Variants in GRIA1 observed in about 807,000 individuals in gnomAD.
GRIA1 encodes the protein glutamate ionotropic receptor AMPA type subunit 1, also known as glutamate receptor 1.
GRIA1 carries 31 observed loss-of-function variants against 99.2 expected under a neutral mutation model. The ratio of observed to expected loss-of-function variants is 0.31; its 90% CI spans 0.23 to 0.42. The LOEUF (loss-of-function observed/expected upper bound fraction) is 0.42, where lower values mean the gene tolerates loss of function less well. Among genes scored for constraint, GRIA1 ranks in the 10% least tolerant of loss-of-function variants. GRIA1 has a pLI of 1.00. For missense variants in GRIA1, 782 were observed against 1,157.5 expected (o/e 0.68, Z 4.71); for synonymous variants, 438 against 432.4 (o/e 1.01, Z -0.16).
intron 2 of GRIA1, among the ~76,000 whole-genome samples, chr5:153,598,463 AAAAAGT>A (rs1764610679): frequency 6.6e-6 from 1 of 152,182 alleles, no homozygotes; most frequent in Admixed American, 6.6e-5. Flanking sequence ...TACACAGGGG[AAAAAGT>A]AAGAAAAATA....
At chr5:153,713,017 A>T (rs1403210747) in intron 11 of GRIA1, among the ~76,000 whole-genome samples, 4 of 152,240 alleles carry the variant, frequency 2.6e-5, no homozygotes, top group African/African-American at 7.2e-5. Context: ...TGCCCAGAGA[A>T]GTCAGCTTAA....
intron 11 of GRIA1, among the ~76,000 whole-genome samples, chr5:153,726,453 C>G (rs12658841): frequency 0.51 from 73,733 of 144,684 alleles, 19,646 homozygotes; most frequent in East Asian, 0.94. Context: ...AATCCAGGAG[C>G]TGGTTTTTTG....
intron 10 of GRIA1, among the ~76,000 whole-genome samples, chr5:153,702,355 A>G (rs1758587204): frequency 6.6e-6 from 1 of 152,210 alleles, no homozygotes; most frequent in Non-Finnish European, 1.5e-5. Context: ...CCTGGATTTG[A>G]GTTCCAACTC....
chr5:153,732,300 C>T (rs1761091970), intron 11 of GRIA1, among the ~76,000 whole-genome samples: 2 of 151,970 alleles, frequency 1.3e-5, no homozygotes, highest in African/African-American at 2.4e-5. Context: ...GGGCCCTTCA[C>T]ATTATTTGCT....
intron 2 of GRIA1, among the ~76,000 whole-genome samples, chr5:153,613,540 C>T (rs186629687): frequency 5.9e-5 from 9 of 152,126 alleles, no homozygotes; most frequent in African/African-American, 1.2e-4. Flanking sequence ...AAGTTTTAGC[C>T]GCTTCTTTCC....
chr5:153,523,674 G>C (rs1461926602), intron 2 of GRIA1, among the ~76,000 whole-genome samples: 2 of 152,160 alleles, frequency 1.3e-5, no homozygotes, highest in African/African-American at 2.4e-5. Flanking sequence ...CCTGTGACAT[G>C]AAAGTGATTA....
At chr5:153,727,616 T>G (rs1225557486) in intron 11 of GRIA1, among the ~76,000 whole-genome samples, 1 of 152,186 alleles carries the variant, frequency 6.6e-6, no homozygotes, top group African/African-American at 2.4e-5. Flanking sequence ...AGCCAAATCA[T>G]GAGTGAACTC....
At chr5:153,713,691 G>C (rs1759482042) in intron 11 of GRIA1, among the ~76,000 whole-genome samples, 1 of 152,184 alleles carries the variant, frequency 6.6e-6, no homozygotes, top group Admixed American at 6.5e-5. Context: ...TCAGCAAGGG[G>C]GAAGCATAAT....
intron 11 of GRIA1, among the ~76,000 whole-genome samples, chr5:153,750,128 G>A (rs1268809327): frequency 1.3e-5 from 2 of 152,176 alleles, no homozygotes; most frequent in South Asian, 2.1e-4. Context: ...CCACTCAGAC[G>A]CAGCATCTTG....
chr5:153,793,319 A>G (rs562819609), intron 13 of GRIA1, among the ~76,000 whole-genome samples: 14 of 152,166 alleles, frequency 9.2e-5, no homozygotes, highest in Non-Finnish European at 2.1e-4. Context: ...TTTGCCTTCC[A>G]TCAGTGCTCC....
At chr5:153,523,506 T>C (rs1168075275) in intron 2 of GRIA1, among the ~76,000 whole-genome samples, 1 of 88,428 alleles carries the variant, frequency 1.1e-5, no homozygotes, top group East Asian at 2.1e-4. Flanking sequence ...CAGACTGCTT[T>C]GAACATTTTT....
intron 11 of GRIA1, among the ~76,000 whole-genome samples, chr5:153,760,286 A>G (rs1436083341): frequency 6.6e-6 from 1 of 152,076 alleles, no homozygotes; most frequent in East Asian, 1.9e-4. Flanking sequence ...GATCTTCTCT[A>G]TAGAAAACCC....
chr5:153,594,917 C>G (rs1000984592), intron 2 of GRIA1, among the ~76,000 whole-genome samples: 2 of 151,966 alleles, frequency 1.3e-5, no homozygotes, highest in Non-Finnish European at 2.9e-5. Flanking sequence ...TTCAAAGTAT[C>G]CAGTGCTTCA....
At chr5:153,649,425 C>T (rs1253405552) in intron 3 of GRIA1, among the ~76,000 whole-genome samples, 1 of 138,456 alleles carries the variant, frequency 7.2e-6, no homozygotes, top group Non-Finnish European at 1.6e-5. Context: ...ATTCAGGACA[C>T]ATTTTATTTA....
At chr5:153,491,057 T>C (rs1002848968) in intron 1 of GRIA1, 87 bp downstream of exon 1, 7 of 1,275,052 alleles carry the variant, frequency 5.5e-6, no homozygotes, top group Middle Eastern at 2.5e-4. Flanking sequence ...CCCTCCCCGG[T>C]ACTGACTGTT....
chr5:153,687,810 T>C (rs1454070886), intron 8 of GRIA1, among the ~76,000 whole-genome samples: 1 of 152,218 alleles, frequency 6.6e-6, no homozygotes, highest in African/African-American at 2.4e-5. Flanking sequence ...GCCAATCTTA[T>C]CTCATTCATT....
chr5:153,668,488 G>T (rs1056513060), intron 5 of GRIA1, among the ~76,000 whole-genome samples: 2 of 152,062 alleles, frequency 1.3e-5, no homozygotes, highest in Admixed American at 6.6e-5. Context: ...CAAAAATATT[G>T]GGAAAGCCAT....
intron 4 of GRIA1, among the ~76,000 whole-genome samples, chr5:153,654,172 C>G (rs576694947): frequency 5.6e-4 from 85 of 152,222 alleles, no homozygotes; most frequent in African/African-American, 2.0e-3. Context: ...GTGCTTCACC[C>G]ATAGCAAGCT....
chr5:153,748,791 G>T (rs1030089612), intron 11 of GRIA1, among the ~76,000 whole-genome samples: 9 of 152,146 alleles, frequency 5.9e-5, no homozygotes, highest in African/African-American at 1.9e-4. Context: ...GAGGAAAATG[G>T]AGAAGAATGA....
Sources: allele counts gnomAD v4.1 joint callset (sites outside exome capture counted in the v4.1 genomes callset), GRCh38; gene constraint gnomAD v4.1.1; transcripts MANE v1.5; gene names NCBI Gene and HGNC (gene_info 2026-07-23, HGNC 2026-07-21).